Variants in KCNH1 observed in about 807,000 individuals in gnomAD.
KCNH1 encodes voltage-gated delayed rectifier potassium channel KCNH1.
In KCNH1, 27 loss-of-function variants were observed where a neutral mutation model predicts 69.2. The ratio of observed to expected loss-of-function variants is 0.39; its 90% CI spans 0.29 to 0.54. The LOEUF (loss-of-function observed/expected upper bound fraction) is 0.54, where lower values mean the gene tolerates loss of function less well. Among genes scored for constraint, KCNH1 ranks in the 20% least tolerant of loss-of-function variants. The pLI is 0.68. For synonymous variants in KCNH1, 456 were observed against 487.7 expected (o/e 0.93, Z 0.86); for missense variants, 798 against 1,261.6 (o/e 0.63, Z 5.57).
chr1:210,786,250 A>G (rs1316255860), intron 9 of KCNH1, among the ~76,000 whole-genome samples: 1 of 152,194 alleles, frequency 6.6e-6, no homozygotes, highest in East Asian at 1.9e-4. Flanking sequence ...TGATTCTAGC[A>G]CACACGTACG....
chr1:210,984,187 G>T (rs548082105), intron 6 of KCNH1, among the ~76,000 whole-genome samples: 1 of 152,100 alleles, frequency 6.6e-6, no homozygotes, highest in South Asian at 2.1e-4. Flanking sequence ...AGACAATGGG[G>T]TTTTCTAGAT....
chr1:211,052,955 G>T (rs1045283231), intron 5 of KCNH1, among the ~76,000 whole-genome samples: 15 of 152,176 alleles, frequency 9.9e-5, no homozygotes, highest in African/African-American at 3.6e-4. Flanking sequence ...TGTACTCTCA[G>T]GCACGTAAGG....
At chr1:210,927,904 G>A (rs186498412) in intron 6 of KCNH1, among the ~76,000 whole-genome samples, 2 of 152,188 alleles carry the variant, frequency 1.3e-5, no homozygotes, top group East Asian at 1.9e-4. Flanking sequence ...ATGAGCAGGA[G>A]TGGCTATTCT....
intron 10 of KCNH1, among the ~76,000 whole-genome samples, chr1:210,696,408 T>C (rs2149008180): frequency 6.6e-6 from 1 of 152,274 alleles, no homozygotes; most frequent in Non-Finnish European, 1.5e-5. Context: ...GCCTTTCAAC[T>C]CCAACTCCAT....
chr1:211,023,544 A>C (rs1454429461), intron 5 of KCNH1, among the ~76,000 whole-genome samples: 1 of 151,766 alleles, frequency 6.6e-6, no homozygotes, highest in African/African-American at 2.4e-5. Flanking sequence ...TAAATGAAAT[A>C]AGCCAGGCAC....
chr1:211,090,532 A>C, intron 4 of KCNH1, 30 bp downstream of exon 4: 1 of 1,568,474 alleles, frequency 6.4e-7, no homozygotes, highest in Non-Finnish European at 8.6e-7. Flanking sequence ...AAAAGGCATA[A>C]ATGTATTTGT....
chr1:210,718,248 C>A (rs1682312589), intron 10 of KCNH1, among the ~76,000 whole-genome samples: 1 of 97,818 alleles, frequency 1.0e-5, no homozygotes, highest in South Asian at 3.1e-4. Context: ...AGTACTAAGT[C>A]TTCTATAAAT....
intron 7 of KCNH1, among the ~76,000 whole-genome samples, chr1:210,850,313 C>T (rs969719066): frequency 2.6e-5 from 4 of 151,818 alleles, no homozygotes; most frequent in Non-Finnish European, 5.9e-5. Context: ...GCCTAGCCAA[C>T]ATGGTGAAAC....
At chr1:210,887,874 T>C (rs1295260039) in intron 7 of KCNH1, among the ~76,000 whole-genome samples, 2 of 151,912 alleles carry the variant, frequency 1.3e-5, no homozygotes, top group East Asian at 1.9e-4. Flanking sequence ...CCTAAATATA[T>C]ATATGCACTC....
At chr1:210,801,624 A>G (rs370948015) in intron 8 of KCNH1, among the ~76,000 whole-genome samples, 2 of 152,354 alleles carry the variant, frequency 1.3e-5, no homozygotes, top group Middle Eastern at 3.4e-3. Context: ...CCAGCCCTAC[A>G]GTGAGGGTGG....
chr1:210,715,737 A>G (rs1682216109), intron 10 of KCNH1, among the ~76,000 whole-genome samples: 1 of 152,160 alleles, frequency 6.6e-6, no homozygotes, highest in Admixed American at 6.5e-5. Flanking sequence ...ATAATCATCA[A>G]AACAAACCCA....
intron 8 of KCNH1, among the ~76,000 whole-genome samples, chr1:210,802,026 T>C (rs942670292): frequency 1.3e-5 from 2 of 152,172 alleles, no homozygotes; most frequent in Non-Finnish European, 2.9e-5. Context: ...GGGCAGTTAG[T>C]AAAATGAATC....
chr1:211,123,162 C>T (rs974076417), intron 1 of KCNH1, among the ~76,000 whole-genome samples: 1 of 152,132 alleles, frequency 6.6e-6, no homozygotes, highest in Admixed American at 6.5e-5. Flanking sequence ...CTGCCCCACT[C>T]TACATATCAC....
chr1:210,733,639 T>C (rs1553339145), intron 10 of KCNH1, among the ~76,000 whole-genome samples: 6 of 152,214 alleles, frequency 3.9e-5, no homozygotes, highest in Non-Finnish European at 1.5e-5. Context: ...ATGAGATTTT[T>C]ACTTTGTTGG....
chr1:210,954,592 C>T (rs1688131809), intron 6 of KCNH1, among the ~76,000 whole-genome samples: 1 of 152,156 alleles, frequency 6.6e-6, no homozygotes. Context: ...TTAATGATCG[C>T]CATTCTAACT....
chr1:211,129,877 T>C (rs997415413), intron 1 of KCNH1, among the ~76,000 whole-genome samples: 2 of 152,242 alleles, frequency 1.3e-5, no homozygotes, highest in East Asian at 3.8e-4. Flanking sequence ...TACCAAAATG[T>C]GCTGTGTTTC....
At chr1:210,802,468 G>C (rs1366594741) in intron 8 of KCNH1, among the ~76,000 whole-genome samples, 1 of 152,154 alleles carries the variant, frequency 6.6e-6, no homozygotes, top group African/African-American at 2.4e-5. Context: ...AGAGAAAAAA[G>C]ACTTGATAAA....
At chr1:210,829,023 C>T (rs1685102268) in intron 7 of KCNH1, among the ~76,000 whole-genome samples, 1 of 152,170 alleles carries the variant, frequency 6.6e-6, no homozygotes, top group African/African-American at 2.4e-5. Context: ...GTGTGCATAG[C>T]TTATGTTTTC....
intron 3 of KCNH1, 38 bp from the exon 4 acceptor site, chr1:211,090,728 T>G (rs1317302683): frequency 6.3e-7 from 1 of 1,580,852 alleles, no homozygotes; most frequent in African/African-American, 1.4e-5. Context: ...GTAATTTGCA[T>G]TCTCATTTGA....
Sources: allele counts gnomAD v4.1 joint callset (sites outside exome capture counted in the v4.1 genomes callset), GRCh38; gene constraint gnomAD v4.1.1; transcripts MANE v1.5; gene names NCBI Gene and HGNC (gene_info 2026-07-23, HGNC 2026-07-21).